Variants in CTNNA3 observed in about 807,000 individuals in gnomAD.
The protein encoded by CTNNA3 is catenin alpha-3.
Under a neutral mutation model 95.7 loss-of-function variants are expected in CTNNA3, and 76 were observed. The ratio of observed to expected loss-of-function variants is 0.79; its 90% CI spans 0.66 to 0.96. The LOEUF (loss-of-function observed/expected upper bound fraction) is 0.96. CTNNA3 is among the 40% of genes least tolerant of loss of function. CTNNA3 has a pLI of 0.00. For synonymous variants in CTNNA3, 431 were observed against 374.4 expected (o/e 1.15, Z -1.74); for missense variants, 1,191 against 1,089.8 (o/e 1.09, Z -1.31).
At chr10:66,020,699 ACT>A (rs2079185314) in intron 15 of CTNNA3, among the ~76,000 whole-genome samples, 1 of 132,828 alleles carries the variant, frequency 7.5e-6, no homozygotes, top group African/African-American at 2.9e-5. Context: ...ATGGAGTCTC[ACT>A]CTGTCGTCCA....
intron 7 of CTNNA3, among the ~76,000 whole-genome samples, chr10:66,892,277 G>A (rs908220119): frequency 1.3e-5 from 2 of 152,034 alleles, no homozygotes; most frequent in African/African-American, 4.8e-5. Context: ...AAAATGCAAT[G>A]TGTTCCTTTA....
intron 7 of CTNNA3, among the ~76,000 whole-genome samples, chr10:66,873,903 T>C (rs1281160418): frequency 6.6e-6 from 1 of 152,134 alleles, no homozygotes; most frequent in African/African-American, 2.4e-5. Flanking sequence ...CTCAGGGGCT[T>C]CTTGATGAAA....
At chr10:66,400,825 C>T (rs1316570934) in intron 11 of CTNNA3, among the ~76,000 whole-genome samples, 1 of 152,092 alleles carries the variant, frequency 6.6e-6, no homozygotes, top group African/African-American at 2.4e-5. Flanking sequence ...CATATAAAAT[C>T]AAGGAACTCT....
At chr10:67,123,902 C>T (rs926423690) in intron 7 of CTNNA3, among the ~76,000 whole-genome samples, 15 of 152,086 alleles carry the variant, frequency 9.9e-5, no homozygotes, top group Non-Finnish European at 1.9e-4. Flanking sequence ...TAAACACAGC[C>T]CTGAGGACAA....
rs574753046 is a variant in CTNNA3, at chr10:65,942,348, G to A, written c.2401-21731C>T. ...TCGAGACCATCCTGGCCAACATGGT[G>A]AAACCCTGTCTCTACTAAAAATACA... On this transcript the variant is annotated intron_variant, in intron 17 of 17. Transcript: ENST00000433211. 9.2e-5 allele frequency among the ~76,000 whole-genome samples: 14 copies of A among 152,278 alleles called. No homozygotes were observed. The South Asian group carries it at 2.7e-3, about 29-fold the overall frequency.
intron 1 of CTNNA3, among the ~76,000 whole-genome samples, chr10:67,724,452 G>A (rs1035667277): frequency 6.6e-6 from 1 of 152,098 alleles, no homozygotes; most frequent in African/African-American, 2.4e-5. Context: ...AAAGCAGCCG[G>A]GTGACAGTAT....
At chr10:66,457,109 C>A (rs2093499744) in intron 11 of CTNNA3, among the ~76,000 whole-genome samples, 2 of 151,874 alleles carry the variant, frequency 1.3e-5, no homozygotes, top group Non-Finnish European at 2.9e-5. Context: ...ATGGAAAAAA[C>A]AAAACAAAAC....
chr10:67,106,376 G>A (rs10997511), intron 7 of CTNNA3, among the ~76,000 whole-genome samples: 17,751 of 152,046 alleles, frequency 0.12, 1,294 homozygotes, highest in African/African-American at 0.21. Flanking sequence ...ATATACTTTC[G>A]CTTTCTGAGG....
intron 2 of CTNNA3, 80 bp from the exon 3 acceptor site, chr10:67,607,129 A>G (rs1171162663): frequency 8.6e-7 from 1 of 1,164,958 alleles, no homozygotes; most frequent in Admixed American, 2.2e-5. Flanking sequence ...GACCAGAACA[A>G]AAGACAGTAC....
intron 13 of CTNNA3, among the ~76,000 whole-genome samples, chr10:66,264,202 C>T (rs1187578798): frequency 6.6e-6 from 1 of 151,928 alleles, no homozygotes; most frequent in Non-Finnish European, 1.5e-5. Flanking sequence ...TGGAATGAGA[C>T]TTCTACCCGA....
At chr10:66,636,364 T>C (rs1845337360) in intron 9 of CTNNA3, among the ~76,000 whole-genome samples, 1 of 152,052 alleles carries the variant, frequency 6.6e-6, no homozygotes, top group Non-Finnish European at 1.5e-5. Context: ...CTGTGAGTAG[T>C]GGCCATTACT....
intron 7 of CTNNA3, among the ~76,000 whole-genome samples, chr10:66,861,311 G>C (rs1843913555): frequency 6.6e-6 from 1 of 152,154 alleles, no homozygotes; most frequent in African/African-American, 2.4e-5. Flanking sequence ...TCTGTGTGGA[G>C]TTTGCACGTT....
chr10:66,966,104 G>A (rs886174110), intron 7 of CTNNA3, among the ~76,000 whole-genome samples: 1 of 151,790 alleles, frequency 6.6e-6, no homozygotes, highest in African/African-American at 2.4e-5. Context: ...GTAAAATTGG[G>A]ATAACAATAG....
chr10:67,471,958 T>C (rs181941412), intron 5 of CTNNA3, among the ~76,000 whole-genome samples: 1 of 152,324 alleles, frequency 6.6e-6, no homozygotes, highest in African/African-American at 2.4e-5. Context: ...TCCTACAAAC[T>C]CTTTGCTAAA....
chr10:67,117,848 G>C (rs1859263998), intron 7 of CTNNA3, among the ~76,000 whole-genome samples: 1 of 151,998 alleles, frequency 6.6e-6, no homozygotes, highest in Admixed American at 6.6e-5. Context: ...CAGGTGTTCA[G>C]TATATTTATT....
rs977208785 is a variant in CTNNA3, at chr10:66,909,520, A to C, written c.1048-133996T>G. On this transcript the variant is annotated intron_variant, in intron 7 of 17. Coordinates refer to ENST00000433211, the MANE Select transcript of CTNNA3 (RefSeq NM_013266.4). ...CCAAAACTCCATCTCAAAATAAATA[A>C]ATAAATAAATAAATAAATAAATCAC... Among the ~76,000 whole-genome samples the C allele has an allele frequency of 2.0e-4, 30 of 151,866 alleles. 1 individual carries two copies. Among genetic ancestry groups the C allele is most frequent in the African/African-American group, 6.8e-4 (28 of 41,448 alleles).
intron 7 of CTNNA3, among the ~76,000 whole-genome samples, chr10:66,864,786 T>C (rs1233478557): frequency 3.3e-5 from 5 of 152,152 alleles, no homozygotes; most frequent in African/African-American, 1.2e-4. Context: ...CTTTTAGATA[T>C]TTTATGTAGA....
intron 14 of CTNNA3, among the ~76,000 whole-genome samples, chr10:66,094,667 A>T (rs973396916): frequency 3.3e-5 from 5 of 152,152 alleles, no homozygotes; most frequent in African/African-American, 1.2e-4. Flanking sequence ...GTTAAAGGCA[A>T]TTAGCAAATT....
chr10:66,895,525 CTTCT>C (rs1589387556), intron 7 of CTNNA3, among the ~76,000 whole-genome samples: 4 of 152,098 alleles, frequency 2.6e-5, no homozygotes, highest in East Asian at 1.9e-4. Context: ...TATCTTTCAG[CTTCT>C]TTCTTTCTTT....
Sources: gnomAD v4.1 joint callset for allele counts (sites outside exome capture counted in the v4.1 genomes callset) on GRCh38, gnomAD v4.1.1 for gene constraint, MANE v1.5 for transcripts, NCBI Gene and HGNC (gene_info 2026-07-23, HGNC 2026-07-21) for gene names.